ETNK2: variants seen among roughly 807,000 people sequenced by gnomAD.
ETNK2 encodes ethanolamine kinase-like protein.
In ETNK2, 33 loss-of-function variants were observed where a neutral mutation model predicts 46.2. The observed-to-expected ratio is 0.71, with a 90% CI of 0.54 to 0.96. The LOEUF (loss-of-function observed/expected upper bound fraction) is 0.96, where lower values mean the gene tolerates loss of function less well. ETNK2 is among the 40% of genes least tolerant of loss of function. The probability of loss-of-function intolerance (pLI) is 0.00; values close to 1 mark genes in which losing one functional copy is unlikely to be tolerated. For synonymous variants in ETNK2, 194 were observed against 209.0 expected (o/e 0.93, Z 0.62); for missense variants, 445 against 509.7 (o/e 0.87, Z 1.22).
At chr1:204,137,016 TG>T (rs1657311451) in intron 6 of ETNK2, 87 bp downstream of exon 6, 15 of 1,546,384 alleles carry the variant, frequency 9.7e-6, no homozygotes, top group Middle Eastern at 3.5e-4. Flanking sequence ...CACCTGACCC[TG>T]GGCTCTGGGT....
chr1:204,146,929 G>A (rs1166966075), intron 2 of ETNK2, 165 bp from the exon 3 acceptor site: 1 of 827,256 alleles, frequency 1.2e-6, no homozygotes. Flanking sequence ...CCTGCAGAAG[G>A]AAGGTCTCAG....
intron 2 of ETNK2, 77 bp from the exon 3 acceptor site, chr1:204,146,841 A>G: frequency 6.3e-7 from 1 of 1,585,982 alleles, no homozygotes; most frequent in South Asian, 1.1e-5. Context: ...CTGGCCAGAT[A>G]GGGACCCTCC....
intron 2 of ETNK2, among the ~76,000 whole-genome samples, chr1:204,149,259 C>T (rs900073113): frequency 6.6e-6 from 1 of 152,202 alleles, no homozygotes; most frequent in East Asian, 1.9e-4. Flanking sequence ...GATAGCATCT[C>T]CCTGGGCTGG....
At chr1:204,135,863 A>G (rs1657261448) in intron 6 of ETNK2, among the ~76,000 whole-genome samples, 1 of 152,182 alleles carries the variant, frequency 6.6e-6, no homozygotes, top group African/African-American at 2.4e-5. Flanking sequence ...TTGTCTTCTT[A>G]CTTCTGCAAG....
Position 204,134,586 on chromosome 1 carries a change from C to A in ETNK2, c.1017G>T (p.Ala339=), listed in dbSNP as rs780677236. 1.2e-5 allele frequency: 20 copies of A among 1,613,894 alleles called. No homozygotes were observed. The East Asian group carries it at 3.3e-4, about 27-fold the overall frequency. Residue 339 remains alanine, a splice_region_variant and synonymous_variant, in exon 7 of 8, where the codon GCG becomes GCT. Transcript: ENST00000367202. The part of the protein sequence containing the change: ...LYVQVNKFAL[A]SHFFWALWAL... ...CCCAGAGAGCCCAGAAGAAGTGAGA[C>A]GCCTGGAAACAGACCAGAGAGGGTC...
chr1:204,149,186 G>A (rs1174235233), intron 2 of ETNK2, among the ~76,000 whole-genome samples: 1 of 152,208 alleles, frequency 6.6e-6, no homozygotes. Flanking sequence ...GGCCTTGACA[G>A]TTCCCCAAAC....
chr1:204,134,358 G>A (rs992689854), intron 7 of ETNK2, among the ~76,000 whole-genome samples, 157 bp downstream of exon 7: 2 of 152,176 alleles, frequency 1.3e-5, no homozygotes, highest in South Asian at 4.1e-4. Context: ...ATCCCCTGGG[G>A]ATAGTGGCCC....
chr1:204,146,753 A>C lies in ETNK2; in HGVS notation c.530T>G (p.Leu177Ter). ...REPRLFRLIA[L>*]EMAKIHTIHA... ...GATAGTATGAATCTTTGCCATTTCTAAGGCGATTAACCTACAGCAGGGAAC... is the reference window on the plus strand; with the variant it reads ...GATAGTATGAATCTTTGCCATTTCTCAGGCGATTAACCTACAGCAGGGAAC... Residue 177 changes from leucine (L) to a stop codon, truncating the protein, a stop_gained, in exon 3 of 8, where the codon TTA becomes TGA. Transcript: ENST00000367202. LOFTEE classifies it high-confidence loss of function. 1 of 1,614,054 alleles carries C rather than the reference A, an allele frequency of 6.2e-7. No homozygotes were observed. Among genetic ancestry groups the C allele is most frequent in the Non-Finnish European group, 8.5e-7 (1 of 1,179,896 alleles).
At chr1:204,144,345 CAAAAAAAAAAAA>C (rs141761706) in intron 3 of ETNK2, among the ~76,000 whole-genome samples, 1 of 33,340 alleles carries the variant, frequency 3.0e-5, no homozygotes, top group African/African-American at 1.2e-4. Context: ...GAATCCATCT[CAAAAAAAAAAAA>C]AAAAAAAAAA....
Position 204,151,719 on chromosome 1 carries a change from G to A in ETNK2, c.134C>T (p.Pro45Leu). The part of the protein sequence containing the change: ...ASASCREPPG[P>L]PRAAAVAYFG... ...GTACGCGACGGCGGCGGCCCTCGGGGGGCCCGGCGGCTCCCGGCAGCTGGC... is the reference window on the plus strand; with the variant it reads ...GTACGCGACGGCGGCGGCCCTCGGGAGGCCCGGCGGCTCCCGGCAGCTGGC... The change falls in exon 1 of 8, where the codon CCC becomes CTC. Residue 45 changes from proline (P) to leucine (L), a missense_variant. Physicochemically the swap from Pro to Leu is moderately conservative, Grantham distance 98. Coordinates refer to ENST00000367202, the MANE Select transcript of ETNK2 (RefSeq NM_018208.4). The surrounding 1 kb of genome is among the most constrained non-coding windows in gnomAD (Gnocchi z 8.0). 1 of 1,540,930 alleles carries A rather than the reference G, an allele frequency of 6.5e-7. No individual in the cohort carries two copies. Among genetic ancestry groups the A allele is most frequent in the Non-Finnish European group, 8.7e-7 (1 of 1,143,496 alleles).
At chr1:204,147,564 C>G (rs1657840129) in intron 2 of ETNK2, 1 of 532,728 alleles carries the variant, frequency 1.9e-6, no homozygotes, top group South Asian at 1.4e-5. Flanking sequence ...CTGTCCCACC[C>G]CCCAACCGTC....
intron 7 of ETNK2, among the ~76,000 whole-genome samples, chr1:204,134,048 G>A (rs1484910467): frequency 1.3e-5 from 2 of 152,234 alleles, no homozygotes; most frequent in Non-Finnish European, 2.9e-5. Flanking sequence ...TACTGAAGGA[G>A]TAGCTGGGGC....
intron 3 of ETNK2, among the ~76,000 whole-genome samples, chr1:204,143,225 CT>C (rs1038483843): frequency 1.9e-3 from 270 of 145,630 alleles, no homozygotes; most frequent in East Asian, 3.2e-3. Flanking sequence ...TTTAAGATTC[CT>C]TTTTTTTTTT....
intron 6 of ETNK2, 81 bp from the exon 7 acceptor site, chr1:204,134,669 A>G (rs765377969): frequency 1.2e-6 from 2 of 1,613,758 alleles, no homozygotes. Flanking sequence ...GGATGCAGTC[A>G]TTGTGGAAGA....
Position 204,152,026 on chromosome 1 carries a change from C to T in ETNK2, c.-174G>A. On this transcript the variant is annotated 5_prime_UTR_variant, in exon 1 of 8. Transcript: ENST00000367202. The surrounding 1 kb of genome is among the most constrained non-coding windows in gnomAD (Gnocchi z 4.2). ...CCGCCCACCGCCGACCCCGGAGCGCCGCGGCCCGCCGCGATTGTGACATCA... is the reference window on the plus strand; with the variant it reads ...CCGCCCACCGCCGACCCCGGAGCGCTGCGGCCCGCCGCGATTGTGACATCA... The T allele has an allele frequency of 7.0e-6, 4 of 569,834 alleles. No homozygotes were observed. The highest frequency in any genetic ancestry group is 1.0e-5 in the Non-Finnish European group (4 of 387,394). The allele number at this position is 569,834 out of a possible 1,614,324, so 35.3% of individuals were successfully genotyped here. A position where few individuals can be genotyped will look rare whatever the true frequency, so the allele number is the denominator to read the frequency against.
At chr1:204,142,400 A>T (rs568188931) in intron 3 of ETNK2, 1 of 152,258 alleles carries the variant, frequency 6.6e-6, no homozygotes, top group African/African-American at 2.4e-5. Flanking sequence ...TGAAAGAAAC[A>T]CATGTTGAGG....
In ETNK2 at chr1:204,151,486, G is replaced by T. The variant is rs1658002934; in HGVS notation, c.258+109C>A. Reference sequence around the variant, plus strand: ...CGTTCCAAACCTTTCTTGCGCAGCAGCCGCGCACCCCTGGGACTGACACCC... The same window carrying T: ...CGTTCCAAACCTTTCTTGCGCAGCATCCGCGCACCCCTGGGACTGACACCC... On this transcript the variant is annotated intron_variant, in intron 1 of 7. Transcript: ENST00000367202. This position sits in a 1 kb window ranked among gnomAD's most constrained non-coding sequence, Gnocchi z 8.0. 1 of 1,441,584 alleles carries T rather than the reference G, an allele frequency of 6.9e-7. No homozygotes were observed. The allele number at this position is 1,441,584 out of a possible 1,614,324, so 89.3% of individuals were successfully genotyped here.
At chr1:204,136,456 T>G (rs1378346627) in intron 6 of ETNK2, among the ~76,000 whole-genome samples, 1 of 149,700 alleles carries the variant, frequency 6.7e-6, no homozygotes, top group Admixed American at 6.7e-5. Flanking sequence ...ACTCCTATAA[T>G]CCCAACACTT....
Position 204,151,220 on chromosome 1 carries a change from G to A in ETNK2, c.258+375C>T. ...CATGTATGGCTGGGTCGGGGGGGCG[G>A]GGGGTCTCTTAAAAGTTCCCGCCTC... On this transcript the variant is annotated intron_variant, in intron 1 of 7. Coordinates refer to ENST00000367202, the MANE Select transcript of ETNK2 (RefSeq NM_018208.4). This position sits in a 1 kb window ranked among gnomAD's most constrained non-coding sequence, Gnocchi z 8.0. 2.7e-6 allele frequency: 1 copy of A among 366,078 alleles called. No homozygotes were observed. Among genetic ancestry groups the A allele is most frequent in the Non-Finnish European group, 5.0e-6 (1 of 201,122 alleles). The allele number at this position is 366,078 out of a possible 1,614,324, so 22.7% of individuals were successfully genotyped here.
Sources: gnomAD v4.1 joint callset for allele counts (sites outside exome capture counted in the v4.1 genomes callset) on GRCh38, gnomAD v4.1.1 for gene constraint, Gnocchi (gnomAD v3.1) non-coding constraint, MANE v1.5 for transcripts, NCBI Gene and HGNC (gene_info 2026-07-23, HGNC 2026-07-21) for gene names.